BMP2K: variants seen among roughly 807,000 people sequenced by gnomAD.
BMP2K encodes the protein BMP2 inducible kinase.
BMP2K carries 74 observed loss-of-function variants against 116.0 expected under a neutral mutation model. That is an observed-to-expected ratio of 0.64 (90% confidence interval 0.53 to 0.77). BMP2K has a LOEUF of 0.77. Among genes scored for constraint, BMP2K ranks in the 30% least tolerant of loss-of-function variants. The pLI is 0.00. For synonymous variants in BMP2K, 486 were observed against 502.5 expected (o/e 0.97, Z 0.44); for missense variants, 1,365 against 1,403.6 (o/e 0.97, Z 0.44).
chr4:78,794,595 A>G (rs1169511416), intron 1 of BMP2K, among the ~76,000 whole-genome samples: 2 of 151,852 alleles, frequency 1.3e-5, no homozygotes, highest in Admixed American at 1.3e-4. Flanking sequence ...TTTATTTTTG[A>G]GATGTCCTTG....
intron 1 of BMP2K, among the ~76,000 whole-genome samples, chr4:78,803,878 T>C (rs1254099043): frequency 6.6e-6 from 1 of 152,194 alleles, no homozygotes; most frequent in Non-Finnish European, 1.5e-5. Context: ...CTCCCATAAC[T>C]TCATATTCTG....
At chr4:78,814,694 T>C (rs1729247846) in intron 1 of BMP2K, among the ~76,000 whole-genome samples, 4 of 152,154 alleles carry the variant, frequency 2.6e-5, no homozygotes, top group African/African-American at 7.2e-5. Context: ...ATTAAACTTT[T>C]CCTTTATCAA....
intron 7 of BMP2K, among the ~76,000 whole-genome samples, chr4:78,851,286 A>G (rs1322587348): frequency 6.6e-6 from 1 of 152,110 alleles, no homozygotes; most frequent in African/African-American, 2.4e-5. Context: ...ATTTAGTAGC[A>G]CACACCAAGG....
chr4:78,852,677 A>G (rs1315117010), intron 7 of BMP2K, among the ~76,000 whole-genome samples: 2 of 152,120 alleles, frequency 1.3e-5, no homozygotes, highest in Non-Finnish European at 2.9e-5. Flanking sequence ...TGTTGTGATC[A>G]TAGCTTACTA....
chr4:78,866,563 G>A (rs960191651), intron 10 of BMP2K, among the ~76,000 whole-genome samples: 3 of 152,046 alleles, frequency 2.0e-5, no homozygotes, highest in African/African-American at 7.2e-5. Context: ...CCTGATACAC[G>A]GTATGCCTTT....
chr4:78,784,933 G>A lies in BMP2K; in HGVS notation c.178+8212G>A, dbSNP rs151275465. Among the ~76,000 whole-genome samples, 441 of 152,216 alleles carry A rather than the reference G, an allele frequency of 2.9e-3. 2 individuals are homozygous for A. The highest frequency in any genetic ancestry group is 5.3e-3 in the Non-Finnish European group (362 of 68,018). On this transcript the variant is annotated intron_variant, in intron 1 of 15. Transcript: ENST00000502613. ...TCTGTCTATGTAACTGATTTTAACT[G>A]CTCTTTTAGATAAATGAGGAGCATG...
At chr4:78,879,031 A>G (rs1732773082) in intron 14 of BMP2K, 140 bp downstream of exon 14, 11 of 1,448,646 alleles carry the variant, frequency 7.6e-6, no homozygotes, top group African/African-American at 5.8e-5. Context: ...CCATCTTCTT[A>G]TACATATACT....
chr4:78,911,613 A>G lies in BMP2K; in HGVS notation c.3066A>G (p.Lys1022=). Residue 1022 remains lysine (K), a synonymous_variant, in exon 16 of 16, where the codon AAA becomes AAG. Transcript: ENST00000502613. The stretch of plus-strand genomic sequence containing the variant: ...CTCCAGAGAGGGCTCGCAGGCACAA[A>G]AAAGTGGGCCGCCGAGACTCTCAAA... ...YRTPERARRH[K]KVGRRDSQSS... 1 of 1,614,034 alleles carries G rather than the reference A, an allele frequency of 6.2e-7. No individual in the cohort carries two copies. Among genetic ancestry groups the G allele is most frequent in the Non-Finnish European group, 8.5e-7 (1 of 1,179,902 alleles).
At chr4:78,855,620 G>C (rs1205599870) in intron 7 of BMP2K, among the ~76,000 whole-genome samples, 5 of 152,002 alleles carry the variant, frequency 3.3e-5, no homozygotes, top group Non-Finnish European at 5.9e-5. Context: ...GAATGTGCAG[G>C]GATTTTGTGC....
chr4:78,806,864 T>C (rs1210829316), intron 1 of BMP2K, among the ~76,000 whole-genome samples: 23 of 151,794 alleles, frequency 1.5e-4, no homozygotes, highest in African/African-American at 5.3e-4. Flanking sequence ...TTTAAATATT[T>C]TTGAGACAGT....
chr4:78,884,902 T>C (rs773548211), intron 14 of BMP2K, among the ~76,000 whole-genome samples: 2 of 152,226 alleles, frequency 1.3e-5, no homozygotes, highest in Non-Finnish European at 2.9e-5. Flanking sequence ...AAAGATGTTA[T>C]GGGACTAGCT....
intron 14 of BMP2K, among the ~76,000 whole-genome samples, chr4:78,880,147 A>G (rs1732827304): frequency 6.6e-6 from 1 of 152,202 alleles, no homozygotes; most frequent in East Asian, 1.9e-4. Flanking sequence ...ATCTCGGCTC[A>G]CCGCAACCTC....
At chr4:78,858,723 A>G (rs1424809370) in intron 7 of BMP2K, among the ~76,000 whole-genome samples, 2 of 151,910 alleles carry the variant, frequency 1.3e-5, no homozygotes, top group African/African-American at 4.8e-5. Context: ...AAGAATATCT[A>G]ATTCTTTAAA....
At chr4:78,888,517 A>G (rs879402635) in intron 15 of BMP2K, among the ~76,000 whole-genome samples, 2 of 152,202 alleles carry the variant, frequency 1.3e-5, no homozygotes, top group Admixed American at 1.3e-4. Flanking sequence ...GAATTGCATT[A>G]TCCTTTTCAG....
chr4:78,811,822 C>T (rs1729106121), intron 1 of BMP2K, among the ~76,000 whole-genome samples: 1 of 152,154 alleles, frequency 6.6e-6, no homozygotes, highest in African/African-American at 2.4e-5. Context: ...CATGTATTGG[C>T]TTACAAAAAC....
At chr4:78,777,918 ATC>A (rs1261142496) in intron 1 of BMP2K, among the ~76,000 whole-genome samples, 1 of 152,244 alleles carries the variant, frequency 6.6e-6, no homozygotes, top group Non-Finnish European at 1.5e-5. Flanking sequence ...CAGAATAATG[ATC>A]TTAGCCGAAA....
intron 8 of BMP2K, 98 bp from the exon 9 acceptor site, chr4:78,861,291 G>A (rs1731773132): frequency 2.3e-6 from 2 of 871,800 alleles, no homozygotes; most frequent in South Asian, 4.0e-5. Context: ...GTGTCTCATA[G>A]TACTTTTAAA....
At chr4:78,834,303 C>G (rs367898557) in intron 3 of BMP2K, among the ~76,000 whole-genome samples, 1 of 151,350 alleles carries the variant, frequency 6.6e-6, no homozygotes, top group Non-Finnish European at 1.5e-5. Flanking sequence ...GCTCTGTCGC[C>G]CAGGCTAGAG....
intron 7 of BMP2K, among the ~76,000 whole-genome samples, chr4:78,852,118 G>C (rs1250896728): frequency 6.6e-6 from 1 of 152,020 alleles, no homozygotes; most frequent in Non-Finnish European, 1.5e-5. Flanking sequence ...ACAGTAGTAG[G>C]ATCTTATTTT....
Sources: gnomAD v4.1 joint callset for allele counts (sites outside exome capture counted in the v4.1 genomes callset) on GRCh38, gnomAD v4.1.1 for gene constraint, MANE v1.5 for transcripts, NCBI Gene and HGNC (gene_info 2026-07-23, HGNC 2026-07-21) for gene names.